The following SDK1 variants were observed in gnomAD, a reference collection of about 807,000 sequenced individuals.
The protein encoded by SDK1 is protein sidekick-1.
SDK1 carries 157 observed loss-of-function variants against 245.5 expected under a neutral mutation model. The observed-to-expected ratio is 0.64, with a 90% CI of 0.56 to 0.73. SDK1 has a LOEUF of 0.73. SDK1 is among the 30% of genes least tolerant of loss of function. The pLI is 0.00. For missense variants in SDK1, 3,583 were observed against 3,002.3 expected (o/e 1.19, Z -4.52); for synonymous variants, 1,647 against 1,278.5 (o/e 1.29, Z -6.15).
intron 19 of SDK1, among the ~76,000 whole-genome samples, chr7:4,060,227 C>T (rs1343157217): frequency 6.6e-6 from 1 of 152,076 alleles, no homozygotes; most frequent in Non-Finnish European, 1.5e-5. Flanking sequence ...CATACAGAAA[C>T]CTACAGGATA....
intron 1 of SDK1, among the ~76,000 whole-genome samples, chr7:3,604,999 C>T (rs1035167544): frequency 1.3e-5 from 2 of 151,682 alleles, no homozygotes; most frequent in Non-Finnish European, 2.9e-5. Flanking sequence ...TTTTTGTTTT[C>T]TAGTTTTATT....
chr7:3,601,309 A>G (rs1781247871), intron 1 of SDK1, among the ~76,000 whole-genome samples: 1 of 152,116 alleles, frequency 6.6e-6, no homozygotes, highest in South Asian at 2.1e-4. Context: ...TCTTCTTTAA[A>G]TGTTTGGTAG....
chr7:4,075,265 C>T (rs1355743697), intron 20 of SDK1, among the ~76,000 whole-genome samples: 1 of 152,158 alleles, frequency 6.6e-6, no homozygotes, highest in Non-Finnish European at 1.5e-5. Context: ...TCCCCTCAGC[C>T]CGCACACAGA....
chr7:3,824,703 C>A (rs192503525), intron 5 of SDK1, among the ~76,000 whole-genome samples: 8 of 152,224 alleles, frequency 5.3e-5, no homozygotes, highest in African/African-American at 1.4e-4. Context: ...AAACGTCACC[C>A]CTTTTCAATT....
chr7:3,306,813 TCTGC>T (rs765161856), intron 1 of SDK1, among the ~76,000 whole-genome samples: 4 of 152,216 alleles, frequency 2.6e-5, no homozygotes, highest in Non-Finnish European at 5.9e-5. Flanking sequence ...GTAGTGTCTT[TCTGC>T]CTGCCTGCCT....
At chr7:3,490,341 G>T (rs761527719) in intron 1 of SDK1, among the ~76,000 whole-genome samples, 3 of 152,134 alleles carry the variant, frequency 2.0e-5, no homozygotes, top group Non-Finnish European at 4.4e-5. Context: ...TTTCTTAATA[G>T]TTCTTTCAGG....
intron 1 of SDK1, among the ~76,000 whole-genome samples, chr7:3,526,927 C>T (rs1390237120): frequency 1.3e-5 from 2 of 152,072 alleles, no homozygotes; most frequent in African/African-American, 4.8e-5. Flanking sequence ...ACACTCTCTG[C>T]TTACCTTTTA....
intron 4 of SDK1, chr7:3,643,898 A>C (rs930154271): frequency 6.7e-6 from 1 of 148,850 alleles, no homozygotes; most frequent in Admixed American, 6.7e-5. Context: ...ATTATATAAT[A>C]CTTATAATTA....
At chr7:4,198,783 C>T (rs967666922) in intron 35 of SDK1, among the ~76,000 whole-genome samples, 1 of 151,422 alleles carries the variant, frequency 6.6e-6, no homozygotes, top group African/African-American at 2.4e-5. Context: ...CTCGAAGCCT[C>T]AGCTTTCTTT....
intron 4 of SDK1, among the ~76,000 whole-genome samples, chr7:3,798,822 A>T (rs999465766): frequency 4.6e-5 from 7 of 152,124 alleles, no homozygotes; most frequent in African/African-American, 1.7e-4. Context: ...ACACATTAAA[A>T]CTACCACAAA....
intron 5 of SDK1, among the ~76,000 whole-genome samples, chr7:3,879,105 TG>T (rs1433341956): frequency 6.6e-6 from 1 of 152,182 alleles, no homozygotes; most frequent in East Asian, 1.9e-4. Context: ...TATACTTCTC[TG>T]GGGGACAATC....
chr7:3,485,615 T>A (rs1781660079), intron 1 of SDK1, among the ~76,000 whole-genome samples: 1 of 151,432 alleles, frequency 6.6e-6, no homozygotes, highest in African/African-American at 2.4e-5. Flanking sequence ...TTAGCTGTTA[T>A]GAAAATGCTT....
At chr7:3,848,759 C>T (rs1311716942) in intron 5 of SDK1, among the ~76,000 whole-genome samples, 1 of 152,030 alleles carries the variant, frequency 6.6e-6, no homozygotes, top group Non-Finnish European at 1.5e-5. Context: ...GCAACCTCCG[C>T]CTCCCGAGTT....
chr7:4,223,419 C>A (rs986774572), intron 40 of SDK1, among the ~76,000 whole-genome samples: 1 of 152,234 alleles, frequency 6.6e-6, no homozygotes, highest in African/African-American at 2.4e-5. Flanking sequence ...AGCCCACAGT[C>A]AAGGTGGCAG....
intron 5 of SDK1, among the ~76,000 whole-genome samples, chr7:3,856,706 G>C (rs1014306327): frequency 6.6e-6 from 1 of 152,004 alleles, no homozygotes; most frequent in Non-Finnish European, 1.5e-5. Context: ...CAGGAGTGTC[G>C]CTTGAACATG....
intron 40 of SDK1, among the ~76,000 whole-genome samples, chr7:4,223,077 CG>C (rs1222908751): frequency 5.4e-5 from 8 of 147,886 alleles, no homozygotes; most frequent in African/African-American, 1.8e-4. Flanking sequence ...AGCAAGGCTC[CG>C]TCTCAAAAAA....
At chr7:3,783,877 A>G (rs1780823155) in intron 4 of SDK1, among the ~76,000 whole-genome samples, 9 of 151,588 alleles carry the variant, frequency 5.9e-5, no homozygotes, top group Admixed American at 5.9e-4. Flanking sequence ...AGAAACAAAA[A>G]TACCCCCAAA....
chr7:3,326,655 A>G (rs144702061), intron 1 of SDK1, among the ~76,000 whole-genome samples: 9 of 151,202 alleles, frequency 6.0e-5, no homozygotes, highest in Non-Finnish European at 8.8e-5. Context: ...TGCTTTCTAA[A>G]TTAATTATTT....
At position 4,266,945 on chromosome 7, in the gene SDK1, C is replaced by T. The variant is rs1241122897; in HGVS notation, c.*1561C>T. 1 of 985,364 alleles carries T rather than the reference C, an allele frequency of 1.0e-6. No individual in the cohort carries two copies. The highest frequency in any genetic ancestry group is 1.7e-5 in the African/African-American group (1 of 57,252). 61.0% of individuals were successfully genotyped at this position (985,364 alleles called of 1,614,324 possible). A position where few individuals can be genotyped will look rare whatever the true frequency, so the allele number is the denominator to read the frequency against. ...AGGGGACAACTGAGCAGTATCTGAC[C>T]AGTGCCACCCAGGAGCCAGTCTCCT... On this transcript the variant is annotated 3_prime_UTR_variant, in exon 45 of 45. Coordinates refer to ENST00000404826, the MANE Select transcript of SDK1 (RefSeq NM_152744.4).
Sources: gnomAD v4.1 joint callset for allele counts (sites outside exome capture counted in the v4.1 genomes callset) on GRCh38, gnomAD v4.1.1 for gene constraint, MANE v1.5 for transcripts, NCBI Gene and HGNC (gene_info 2026-07-23, HGNC 2026-07-21) for gene names.